Variants in NOL11 observed in about 807,000 individuals in gnomAD.
The protein encoded by NOL11 is nucleolar protein 11.
In NOL11, 42 loss-of-function variants were observed where a neutral mutation model predicts 93.0. That is an observed-to-expected ratio of 0.45 (90% CI 0.35 to 0.58). NOL11 has a LOEUF of 0.58. Ranked by LOEUF, NOL11 falls within the 20% of genes least tolerant of loss-of-function variation. The pLI is 0.00. For missense variants in NOL11, 775 were observed against 841.8 expected, an observed-to-expected ratio of 0.92 and a Z score of 0.98; for synonymous variants, 296 against 293.7, an observed-to-expected ratio of 1.01 and a Z score of -0.08.
rs1370962758 is a variant in NOL11, at chr17:67,738,190, C to A, written c.1598C>A (p.Ser533Tyr). The change falls in exon 14 of 18, where the codon TCT (serine) becomes TAT (tyrosine). Residue 533 changes from serine (S) to tyrosine (Y), a missense_variant. By Grantham distance (144) the Ser-to-Tyr change is moderately radical. Coordinates refer to ENST00000253247, the MANE Select transcript of NOL11 (RefSeq NM_015462.5). The stretch of plus-strand genomic sequence containing the variant: ...TCAGTTTTTGACTATAGTATAAATT[C>A]TGTACATGATGAGAAAATGGAAGAG... Reference protein sequence around the residue: ...MESVFDYSINSVHDEKMEEQT... With the variant: ...MESVFDYSINYVHDEKMEEQT... 3 of 1,613,336 alleles carry A rather than the reference C, an allele frequency of 1.9e-6. No homozygotes were observed. The South Asian group carries it at 3.3e-5, about 18-fold the overall frequency.
At position 67,737,143 on chromosome 17, in the gene NOL11, A is replaced by G; in HGVS notation, c.1216A>G (p.Met406Val). Residue 406 changes from methionine (M) to valine (V), a missense_variant and splice_region_variant, in exon 11 of 18, where the codon ATG becomes GTG. By Grantham distance (21) the Met-to-Val change is conservative. Transcript: ENST00000253247. ...PPSKQLLSTIMKDSEKHIEVE... is the reference protein window; with the variant it reads ...PPSKQLLSTIVKDSEKHIEVE... ...ATCCAAACAACTTTTGTCAACCATA[A>G]TGGTAAATAAATAATATTGAAATAT... The G allele has an allele frequency of 1.3e-6, 2 of 1,578,300 alleles. No homozygotes were observed. Among genetic ancestry groups the G allele is most frequent in the Non-Finnish European group, 1.7e-6 (2 of 1,147,958 alleles).
chr17:67,725,901 G>A (rs1241105975), intron 6 of NOL11, among the ~76,000 whole-genome samples: 7 of 152,160 alleles, frequency 4.6e-5, no homozygotes, highest in African/African-American at 1.4e-4. Flanking sequence ...GCAACATAGC[G>A]AGACCCTATG....
At position 67,734,354 on chromosome 17, in the gene NOL11, A is replaced by C; in HGVS notation, c.854-9A>C. 2 of 1,536,594 alleles carry C rather than the reference A, an allele frequency of 1.3e-6. No homozygotes were observed. Among genetic ancestry groups the C allele is most frequent in the Non-Finnish European group, 9.0e-7 (1 of 1,112,444 alleles). On this transcript the variant is annotated splice_polypyrimidine_tract_variant and intron_variant, in intron 7 of 17. Transcript: ENST00000253247. ...GGACTTTTTTCTGAATTTATGTCTT[A>C]TTTTATAGAATGCCTCTCTGTATGG... is the stretch of plus-strand genomic sequence containing the variant.
intron 7 of NOL11, among the ~76,000 whole-genome samples, chr17:67,729,120 GT>G: frequency 6.7e-6 from 1 of 149,878 alleles, no homozygotes; most frequent in Non-Finnish European, 1.5e-5. Context: ...TTGAGACAGA[GT>G]TTTAGTCTTG....
At chr17:67,741,189 C>T (rs2055253771) in intron 16 of NOL11, among the ~76,000 whole-genome samples, 1 of 152,188 alleles carries the variant, frequency 6.6e-6, no homozygotes, top group South Asian at 2.1e-4. Context: ...CCTGCCTCAG[C>T]CTCCTGAGTA....
chr17:67,723,129 C>T, intron 5 of NOL11, among the ~76,000 whole-genome samples: 1 of 151,632 alleles, frequency 6.6e-6, no homozygotes, highest in Admixed American at 6.6e-5. Flanking sequence ...TCTCCTGCCT[C>T]AGCCTCCCGA....
At chr17:67,726,416 G>A (rs762167292) in intron 6 of NOL11, 44 bp from the exon 7 acceptor site, 4 of 1,519,832 alleles carry the variant, frequency 2.6e-6, no homozygotes, top group Non-Finnish European at 3.6e-6. Flanking sequence ...AATAGATATA[G>A]AAGTATCCTT....
rs1310776093 is a variant in NOL11, at chr17:67,731,255, T to TAA, written c.854-3108_854-3107insAA. Among the ~76,000 whole-genome samples the TAA allele has an allele frequency of 3.1e-3, 33 of 10,490 alleles. 3 individuals carry two copies. The highest frequency in any genetic ancestry group is 0.019 in the South Asian group (5 of 264). The allele number at this position is 10,490 out of a possible 152,430, so 6.9% of individuals were successfully genotyped here. A position where few individuals can be genotyped will look rare whatever the true frequency, so the allele number is the denominator to read the frequency against. On this transcript the variant is annotated intron_variant, in intron 7 of 17. Coordinates refer to ENST00000253247, the MANE Select transcript of NOL11 (RefSeq NM_015462.5). ...AATGTCCCTTCGTGCACAAAAGTTT[T>TAA]TTTTTTTTTTTTTTTTTTTTTTTTT...
chr17:67,727,992 A>G (rs1300191268), intron 7 of NOL11, among the ~76,000 whole-genome samples: 4 of 150,110 alleles, frequency 2.7e-5, no homozygotes, highest in Non-Finnish European at 5.9e-5. Flanking sequence ...CGGGCACAGT[A>G]GCTCATGCCT....
At chr17:67,743,653 T>G (rs552816385) in intron 17 of NOL11, 67 bp downstream of exon 17, 53 of 1,254,626 alleles carry the variant, frequency 4.2e-5, no homozygotes, top group Non-Finnish European at 5.4e-5. Flanking sequence ...ACAATTATTC[T>G]TAAAATTTGT....
chr17:67,721,314 A>G, intron 3 of NOL11, 64 bp from the exon 4 acceptor site: 2 of 1,040,062 alleles, frequency 1.9e-6, no homozygotes, highest in East Asian at 2.8e-5. Context: ...GCCTTCTCTA[A>G]ATATCCTTAT....
rs1348127056 is a variant in NOL11, at chr17:67,718,176, G to A, written c.141+88G>A. 3.2e-6 allele frequency: 5 copies of A among 1,544,526 alleles called. No individual in the cohort carries two copies. In the African/African-American group the frequency reaches 6.8e-5, roughly 21 times the overall value. On this transcript the variant is annotated intron_variant, in intron 1 of 17. Coordinates refer to ENST00000253247, the MANE Select transcript of NOL11 (RefSeq NM_015462.5). ...CGAGCTCAAGTTTCTCACAGCTTCA[G>A]AAAGAGATCGTGGAGAAGGCTTAGC...
At chr17:67,739,076 C>A in intron 15 of NOL11, 66 bp downstream of exon 15, 1 of 1,136,536 alleles carries the variant, frequency 8.8e-7, no homozygotes, top group African/African-American at 1.5e-5. Context: ...TAACTCTAAC[C>A]AGCTGTTAGG....
intron 14 of NOL11, 82 bp downstream of exon 14, chr17:67,738,437 A>G (rs1435600068): frequency 1.1e-5 from 9 of 853,900 alleles, no homozygotes; most frequent in Middle Eastern, 2.3e-4. Flanking sequence ...GAGTAACTCA[A>G]TAATTTAAGG....
chr17:67,727,207 G>A (rs1475825721), intron 7 of NOL11, among the ~76,000 whole-genome samples: 2 of 152,208 alleles, frequency 1.3e-5, no homozygotes, highest in East Asian at 1.9e-4. Context: ...AGACTCTGTC[G>A]TTTAGCATAA....
At chr17:67,725,311 C>T (rs997130766) in intron 6 of NOL11, among the ~76,000 whole-genome samples, 10 of 152,020 alleles carry the variant, frequency 6.6e-5, no homozygotes, top group African/African-American at 2.2e-4. Context: ...AGCTTTGGCC[C>T]ATGCCAGTTG....
Position 67,727,937 on chromosome 17 carries a change from A to C in NOL11, c.853+1289A>C, listed in dbSNP as rs78462163. Among the ~76,000 whole-genome samples, 2,439 of 131,962 alleles carry C rather than the reference A, an allele frequency of 0.018. 196 individuals are homozygous for C. In the East Asian group the frequency reaches 0.27, roughly 15 times the overall value. The allele number at this position is 131,962 out of a possible 152,430, so 86.6% of individuals were successfully genotyped here. A position where few individuals can be genotyped will look rare whatever the true frequency, so the allele number is the denominator to read the frequency against. On this transcript the variant is annotated intron_variant, in intron 7 of 17. Coordinates refer to ENST00000253247, the MANE Select transcript of NOL11 (RefSeq NM_015462.5). ...TTGTCTCAAAAAAAAAAAAAAAAAAAAAAAAAGAGCTCCTGGTTATAGTAT... is the reference window on the plus strand; with the variant it reads ...TTGTCTCAAAAAAAAAAAAAAAAAACAAAAAAGAGCTCCTGGTTATAGTAT...
At chr17:67,733,943 C>T (rs1026903647) in intron 7 of NOL11, among the ~76,000 whole-genome samples, 2 of 151,922 alleles carry the variant, frequency 1.3e-5, no homozygotes, top group Non-Finnish European at 2.9e-5. Flanking sequence ...GGATATTGCT[C>T]TGTAGTTTTT....
intron 7 of NOL11, among the ~76,000 whole-genome samples, chr17:67,730,158 A>G (rs1420849158): frequency 1.3e-5 from 2 of 152,150 alleles, no homozygotes; most frequent in Non-Finnish European, 2.9e-5. Flanking sequence ...TCATCCATTC[A>G]TGGATATTTT....
Sources: gnomAD v4.1 joint callset for allele counts (sites outside exome capture counted in the v4.1 genomes callset) on GRCh38, gnomAD v4.1.1 for gene constraint, MANE v1.5 for transcripts, NCBI Gene and HGNC (gene_info 2026-07-23, HGNC 2026-07-21) for gene names.